Variants in REC114 observed in about 807,000 individuals in gnomAD.
REC114 encodes meiotic recombination protein REC114.
A neutral mutation model predicts 31.3 loss-of-function variants in REC114; 27 were observed. The observed-to-expected ratio is 0.86, with a 90% CI of 0.64 to 1.19. The LOEUF is 1.19. REC114 is among the 50% of genes most tolerant of loss of function. The pLI is 0.00. For missense variants in REC114, 344 were observed against 326.9 expected, an observed-to-expected ratio of 1.05 and a Z score of -0.40; for synonymous variants, 134 against 127.7, an observed-to-expected ratio of 1.05 and a Z score of -0.33.
intron 1 of REC114, among the ~76,000 whole-genome samples, chr15:73,466,563 A>AAAC (rs201751298): frequency 1.6e-4 from 24 of 152,252 alleles, no homozygotes; most frequent in African/African-American, 5.5e-4. Context: ...GGGGGAAGGA[A>AAAC]AACAACAACA....
chr15:73,453,434 T>C (rs1427465969), intron 1 of REC114, among the ~76,000 whole-genome samples: 1 of 152,128 alleles, frequency 6.6e-6, no homozygotes, highest in Non-Finnish European at 1.5e-5. Flanking sequence ...ATCTCATGCC[T>C]GTTAGAATGA....
intron 1 of REC114, among the ~76,000 whole-genome samples, chr15:73,459,657 G>T (rs1257556933): frequency 6.6e-6 from 1 of 152,180 alleles, no homozygotes; most frequent in African/African-American, 2.4e-5. Flanking sequence ...GTATATTCCT[G>T]GCCTCTTGAA....
At chr15:73,461,274 AAAT>A (rs1257671311) in intron 1 of REC114, among the ~76,000 whole-genome samples, 2 of 152,044 alleles carry the variant, frequency 1.3e-5, no homozygotes, top group Non-Finnish European at 2.9e-5. Flanking sequence ...AAGTTTGTTG[AAAT>A]AATTTATGAG....
intron 1 of REC114, among the ~76,000 whole-genome samples, chr15:73,470,322 G>T (rs1023554669): frequency 1.3e-5 from 2 of 151,918 alleles, no homozygotes; most frequent in Non-Finnish European, 2.9e-5. Context: ...TTATGCATTT[G>T]CCCATGTAAT....
chr15:73,514,392 A>G lies in REC114; in HGVS notation c.250-26093A>G, dbSNP rs1300397563. ...CGGTACCTCAGATGGAAATGCAGAA[A>G]TCACCCGTCTTCTGCGTCGCTCACG... On this transcript the variant is annotated intron_variant, in intron 2 of 5. Coordinates refer to ENST00000331090, the MANE Select transcript of REC114 (RefSeq NM_001042367.2). Among the ~76,000 whole-genome samples, 3 of 151,820 alleles carry G rather than the reference A, an allele frequency of 2.0e-5. No individual in the cohort carries two copies. In the South Asian group the frequency reaches 6.3e-4, roughly 32 times the overall value.
intron 1 of REC114, among the ~76,000 whole-genome samples, chr15:73,465,738 C>G (rs1893048038): frequency 6.6e-6 from 1 of 152,188 alleles, no homozygotes; most frequent in Non-Finnish European, 1.5e-5. Flanking sequence ...GACATTCTCT[C>G]TTACTGAGTT....
At chr15:73,542,959 T>TA (rs1252130883) in intron 3 of REC114, among the ~76,000 whole-genome samples, 120 of 149,240 alleles carry the variant, frequency 8.0e-4, no homozygotes, top group African/African-American at 2.8e-3. Flanking sequence ...TTTTTTTTTT[T>TA]TTTATATAAA....
At chr15:73,508,197 A>C (rs955926488) in intron 2 of REC114, among the ~76,000 whole-genome samples, 4 of 152,194 alleles carry the variant, frequency 2.6e-5, no homozygotes, top group Non-Finnish European at 4.4e-5. Flanking sequence ...TTGAATGAAT[A>C]AATGAATAGA....
intron 2 of REC114, among the ~76,000 whole-genome samples, chr15:73,504,930 A>C (rs1893654561): frequency 6.6e-6 from 1 of 152,212 alleles, no homozygotes; most frequent in African/African-American, 2.4e-5. Flanking sequence ...TTCTGCAATA[A>C]TAAACTTGCA....
chr15:73,559,683 G>A (rs1894545814), intron 5 of REC114, 69 bp from the exon 6 acceptor site: 1 of 1,386,988 alleles, frequency 7.2e-7, no homozygotes, highest in East Asian at 2.6e-5. Context: ...AGCACTATTT[G>A]CCTGTGTTCT....
At chr15:73,555,901 G>T (rs1312499230) in intron 4 of REC114, among the ~76,000 whole-genome samples, 2 of 152,180 alleles carry the variant, frequency 1.3e-5, no homozygotes, top group African/African-American at 4.8e-5. Flanking sequence ...TTTTTAGAGT[G>T]TGACAAATCA....
intron 2 of REC114, among the ~76,000 whole-genome samples, chr15:73,488,535 T>C (rs1016128764): frequency 6.6e-6 from 1 of 152,244 alleles, no homozygotes; most frequent in Non-Finnish European, 1.5e-5. Flanking sequence ...CTAAATATTC[T>C]ATTTCATTGC....
intron 3 of REC114, among the ~76,000 whole-genome samples, chr15:73,547,899 T>G (rs549534988): frequency 6.6e-6 from 1 of 152,180 alleles, no homozygotes; most frequent in Non-Finnish European, 1.5e-5. Context: ...CCAAAAGCAA[T>G]TGCAACAAAA....
chr15:73,512,983 C>T (rs930238331), intron 2 of REC114, among the ~76,000 whole-genome samples: 383 of 151,454 alleles, frequency 2.5e-3, no homozygotes, highest in Non-Finnish European at 4.4e-3. Flanking sequence ...TGAATCTGAA[C>T]GTTGGCCTGC....
intron 2 of REC114, among the ~76,000 whole-genome samples, chr15:73,517,876 C>T (rs1436716297): frequency 6.6e-6 from 1 of 151,794 alleles, no homozygotes; most frequent in African/African-American, 2.4e-5. Flanking sequence ...AAAGAATGAA[C>T]AAGGGAAAGA....
intron 2 of REC114, among the ~76,000 whole-genome samples, chr15:73,515,975 G>C (rs1893852734): frequency 6.6e-6 from 1 of 151,750 alleles, no homozygotes; most frequent in Non-Finnish European, 1.5e-5. Flanking sequence ...ATGAAGGCCA[G>C]TCTCTAGCTT....
intron 2 of REC114, among the ~76,000 whole-genome samples, chr15:73,519,299 T>C (rs755559293): frequency 6.6e-6 from 1 of 152,166 alleles, no homozygotes; most frequent in African/African-American, 2.4e-5. Flanking sequence ...CCTTCCACCA[T>C]GTAAGGACAC....
intron 1 of REC114, among the ~76,000 whole-genome samples, chr15:73,457,044 TTGTATTTC>T (rs942578386): frequency 2.0e-5 from 3 of 151,840 alleles, no homozygotes; most frequent in African/African-American, 7.2e-5. Context: ...CAGGGTATCT[TTGTATTTC>T]TGTATTTCTG....
At chr15:73,538,524 T>G (rs145896572) in intron 2 of REC114, among the ~76,000 whole-genome samples, 4 of 150,078 alleles carry the variant, frequency 2.7e-5, no homozygotes, top group African/African-American at 9.8e-5. Flanking sequence ...TGGCGCTATC[T>G]TGGCTCACTG....
Sources: allele counts gnomAD v4.1 joint callset (sites outside exome capture counted in the v4.1 genomes callset), GRCh38; gene constraint gnomAD v4.1.1; transcripts MANE v1.5; gene names NCBI Gene and HGNC (gene_info 2026-07-23, HGNC 2026-07-21).